The following ERRFI1 variants were observed in gnomAD, a reference collection of about 807,000 sequenced individuals.
The protein encoded by ERRFI1 is mitogen-inducible gene 6 protein.
Under a neutral mutation model 14.6 loss-of-function variants are expected in ERRFI1, and 12 were observed. The ratio of observed to expected loss-of-function variants is 0.82; its 90% CI spans 0.53 to 1.33. The LOEUF is 1.33. Ranked by LOEUF, ERRFI1 falls within the 40% of genes most tolerant of loss-of-function variation. The pLI is 0.00. For synonymous variants in ERRFI1, 202 were observed against 209.9 expected (o/e 0.96, Z 0.32); for missense variants, 482 against 572.1 (o/e 0.84, Z 1.61).
chr1:8,018,699 G>A (rs1330541196), intron 1 of ERRFI1, among the ~76,000 whole-genome samples: 1 of 152,154 alleles, frequency 6.6e-6, no homozygotes, highest in Non-Finnish European at 1.5e-5. Context: ...GGTCTAAAAT[G>A]CAGTTAAATA....
intron 3 of ERRFI1, chr1:8,015,048 G>C: frequency 2.2e-6 from 1 of 449,130 alleles, no homozygotes; most frequent in Non-Finnish European, 4.0e-6. Flanking sequence ...GCTGGAATGA[G>C]AACTAATTCT....
chr1:8,014,752 A>G lies in ERRFI1; in HGVS notation c.203-356T>C, dbSNP rs569016654. ...CTGTACCAGCCTTGCCATTTAAGAC[A>G]TGCGACCATACTAGGCACGTAGGGT... On this transcript the variant is annotated intron_variant, in intron 3 of 3. Coordinates refer to ENST00000377482, the MANE Select transcript of ERRFI1 (RefSeq NM_018948.4). 9.3e-5 allele frequency: 23 copies of G among 247,900 alleles called. No homozygotes were observed. In the South Asian group the frequency reaches 1.9e-3, roughly 21 times the overall value. 15.4% of individuals were successfully genotyped at this position (247,900 alleles called of 1,614,324 possible).
At chr1:8,016,906 T>G (rs1485615093) in intron 1 of ERRFI1, among the ~76,000 whole-genome samples, 1 of 151,610 alleles carries the variant, frequency 6.6e-6, no homozygotes, top group East Asian at 1.9e-4. Flanking sequence ...CACAGGTTTT[T>G]TTTTTTGTTT....
chr1:8,015,794 C>G (rs1284964535), intron 1 of ERRFI1, 102 bp from the exon 2 acceptor site: 1 of 731,862 alleles, frequency 1.4e-6, no homozygotes, highest in Non-Finnish European at 2.1e-6. Context: ...TTGGGGGATG[C>G]TGAATAGAAA....
At chr1:8,025,905 G>C (rs1362920941) in intron 1 of ERRFI1, among the ~76,000 whole-genome samples, 3 of 151,724 alleles carry the variant, frequency 2.0e-5, no homozygotes, top group Non-Finnish European at 2.9e-5. Context: ...ACTTCGCGGC[G>C]TCCCCAGGCC....
chr1:8,014,327 C>T lies in ERRFI1; in HGVS notation c.272G>A (p.Ser91Asn). The T allele has an allele frequency of 6.2e-7, 1 of 1,612,586 alleles. No individual in the cohort carries two copies. The highest frequency in any genetic ancestry group is 8.5e-7 in the Non-Finnish European group (1 of 1,179,138). ...FAENGPSQKS[S>N]LPPLLIPPSE... The stretch of plus-strand genomic sequence containing the variant: ...TGGGGGAATAAGAAGAGGGGGCAAG[C>T]TGGACTTTTGAGATGGACCATTTTC... Residue 91 changes from serine (S) to asparagine (N), a missense_variant, in exon 4 of 4, where the codon AGC becomes AAC. Coordinates refer to ENST00000377482, the MANE Select transcript of ERRFI1 (RefSeq NM_018948.4).
chr1:8,020,796 C>T (rs1351434283), intron 1 of ERRFI1, among the ~76,000 whole-genome samples: 3 of 152,126 alleles, frequency 2.0e-5, no homozygotes, highest in South Asian at 2.1e-4. Context: ...CCTCCTGCCT[C>T]GGCCTCCCAA....
At chr1:8,024,276 TAAAG>T (rs2124078997) in intron 1 of ERRFI1, among the ~76,000 whole-genome samples, 2 of 152,284 alleles carry the variant, frequency 1.3e-5, no homozygotes, top group South Asian at 4.1e-4. Flanking sequence ...TTAAATCTTA[TAAAG>T]AGTGACCAGT....
chr1:8,021,436 C>T (rs910755247), intron 1 of ERRFI1, among the ~76,000 whole-genome samples: 3 of 152,162 alleles, frequency 2.0e-5, no homozygotes, highest in Non-Finnish European at 2.9e-5. Flanking sequence ...GTAGCACAAT[C>T]AGTAACTATA....
intron 1 of ERRFI1, among the ~76,000 whole-genome samples, chr1:8,023,809 G>C (rs904433055): frequency 6.6e-6 from 1 of 152,026 alleles, no homozygotes; most frequent in Non-Finnish European, 1.5e-5. Flanking sequence ...AAACTCATTC[G>C]CCTCATCTAC....
chr1:8,015,324 C>T lies in ERRFI1; in HGVS notation c.186G>A (p.Glu62=). 6.2e-7 allele frequency: 1 copy of T among 1,614,148 alleles called. No homozygotes were observed. Among genetic ancestry groups the T allele is most frequent in the Non-Finnish European group, 8.5e-7 (1 of 1,179,984 alleles). ...AATACATACCAAGTGGTATTAGGCGCTCCTGAGCAGAAGAGTTCAGACTGT... is the reference window on the plus strand; with the variant it reads ...AATACATACCAAGTGGTATTAGGCGTTCCTGAGCAGAAGAGTTCAGACTGT... The part of the protein sequence containing the change: ...MAYSLNSSAQ[E]RLIPLGHASK... Residue 62 remains glutamate, a synonymous_variant, in exon 3 of 4, where the codon GAG becomes GAA. Transcript: ENST00000377482.
At chr1:8,019,358 G>A (rs1469137300) in intron 1 of ERRFI1, among the ~76,000 whole-genome samples, 1 of 152,006 alleles carries the variant, frequency 6.6e-6, no homozygotes. Context: ...GTTACAATTC[G>A]ATTCATCCTT....
Position 8,012,793 on chromosome 1 carries a change from A to G in ERRFI1, c.*417T>C, listed in dbSNP as rs1392188128. ...TCTAAACAATACTGTATCTTCTTCCATTTGCTCAATTTTCAGTCTATCAGG... is the reference window on the plus strand; with the variant it reads ...TCTAAACAATACTGTATCTTCTTCCGTTTGCTCAATTTTCAGTCTATCAGG... On this transcript the variant is annotated 3_prime_UTR_variant, in exon 4 of 4. Transcript: ENST00000377482. 6 of 241,540 alleles carry G rather than the reference A, an allele frequency of 2.5e-5. No individual in the cohort carries two copies. Among genetic ancestry groups the G allele is most frequent in the Non-Finnish European group, 4.9e-5 (6 of 122,650 alleles). 15.0% of individuals were successfully genotyped at this position (241,540 alleles called of 1,614,324 possible).
In ERRFI1 at chr1:8,013,256, C is replaced by T; in HGVS notation, c.1343G>A (p.Gly448Asp). 2 of 1,614,060 alleles carry T rather than the reference C, an allele frequency of 1.2e-6. No homozygotes were observed. Among genetic ancestry groups the T allele is most frequent in the Non-Finnish European group, 1.7e-6 (2 of 1,180,020 alleles). ...TAAATGTTTACGCTTCACGTGGCCA[C>T]CCAGATCCATTTTTGTTTTTGAGTC... Reference protein sequence around the residue: ...KPDSKTKMDLGGHVKRKHLSY... With the variant: ...KPDSKTKMDLDGHVKRKHLSY... Residue 448 changes from glycine to aspartate, a missense_variant, in exon 4 of 4, where the codon GGT becomes GAT. By Grantham distance (94) the Gly-to-Asp change is moderately conservative. Coordinates refer to ENST00000377482, the MANE Select transcript of ERRFI1 (RefSeq NM_018948.4). This position sits in a 1 kb window ranked among gnomAD's most constrained non-coding sequence, Gnocchi z 4.3.
rs542497088 is a variant in ERRFI1 at position 8,018,820 on chromosome 1, C to T, written c.-73-3128G>A. On this transcript the variant is annotated intron_variant, in intron 1 of 3. Transcript: ENST00000377482. ...TTCTTGAGGTTATCCTTTTATTAAT[C>T]CACTTGTATAGCTTCAACTCATAGA... Among the ~76,000 whole-genome samples, 7 of 152,296 alleles carry T rather than the reference C, an allele frequency of 4.6e-5. No individual in the cohort carries two copies. In the South Asian group the frequency reaches 1.5e-3, roughly 32 times the overall value.
At chr1:8,017,078 A>G (rs1376839393) in intron 1 of ERRFI1, among the ~76,000 whole-genome samples, 1 of 152,178 alleles carries the variant, frequency 6.6e-6, no homozygotes, top group African/African-American at 2.4e-5. Flanking sequence ...GAATGATTGT[A>G]TAATACCATC....
rs776541061 is a variant in ERRFI1, at chr1:8,014,413, A to T, written c.203-17T>A. 56 of 1,536,324 alleles carry T rather than the reference A, an allele frequency of 3.6e-5. No homozygotes were observed. Among genetic ancestry groups the T allele is most frequent in the South Asian group, 3.2e-4 (25 of 78,000 alleles). ...AAGCATGCCCTGGAATGAACGAGAG[A>T]TATTAATAAAAGATCAACAATCCTC... On this transcript the variant is annotated splice_polypyrimidine_tract_variant and intron_variant, in intron 3 of 3. Transcript: ENST00000377482.
At chr1:8,020,551 A>AG (rs1557467071) in intron 1 of ERRFI1, among the ~76,000 whole-genome samples, 1 of 117,136 alleles carries the variant, frequency 8.5e-6, no homozygotes, top group Non-Finnish European at 1.8e-5. Context: ...AAAAAACACC[A>AG]ATTTTTTTTT....
chr1:8,021,561 G>C (rs912521983), intron 1 of ERRFI1, among the ~76,000 whole-genome samples: 10 of 152,144 alleles, frequency 6.6e-5, no homozygotes, highest in African/African-American at 1.9e-4. Context: ...GTCTAATGAT[G>C]GGACGCAAGT....
Sources: allele counts gnomAD v4.1 joint callset (sites outside exome capture counted in the v4.1 genomes callset), GRCh38; gene constraint gnomAD v4.1.1; non-coding constraint Gnocchi (gnomAD v3.1); transcripts MANE v1.5; gene names NCBI Gene and HGNC (gene_info 2026-07-23, HGNC 2026-07-21).